The following FBXO34 variants were observed in gnomAD, a reference collection of about 807,000 sequenced individuals.
FBXO34 encodes the protein F-box protein 34.
A neutral mutation model predicts 24.5 loss-of-function variants in FBXO34; 12 were observed. The observed-to-expected ratio is 0.49, with a 90% CI of 0.31 to 0.79. The LOEUF (loss-of-function observed/expected upper bound fraction) is 0.79. Ranked by LOEUF, FBXO34 falls within the 30% of genes least tolerant of loss-of-function variation. The probability of loss-of-function intolerance (pLI) is 0.04; values close to 1 mark genes in which losing one functional copy is unlikely to be tolerated. For missense variants in FBXO34, 823 were observed against 857.7 expected (o/e 0.96, Z 0.51); for synonymous variants, 320 against 311.9 (o/e 1.03, Z -0.27).
At chr14:55,358,714 G>A (rs1884554413) in intron 3 of FBXO34, among the ~76,000 whole-genome samples, 1 of 152,320 alleles carries the variant, frequency 6.6e-6, no homozygotes, top group Admixed American at 6.5e-5. Context: ...CTGCCTGGTT[G>A]GGGGTAGTAG....
At chr14:55,293,596 TCTG>T (rs1215706321) in intron 1 of FBXO34, among the ~76,000 whole-genome samples, 2 of 150,268 alleles carry the variant, frequency 1.3e-5, no homozygotes, top group African/African-American at 5.0e-5. Flanking sequence ...TCTGTAAATC[TCTG>T]CTTTTTTTTT....
intron 1 of FBXO34, among the ~76,000 whole-genome samples, chr14:55,284,431 T>G (rs1276132346): frequency 1.3e-5 from 2 of 149,378 alleles, no homozygotes; most frequent in Admixed American, 1.4e-4. Context: ...GAGAATCTCT[T>G]GAACTCGGAG....
chr14:55,407,732 T>C, the FBXO34 span, among the ~76,000 whole-genome samples: 2 of 152,142 alleles, frequency 1.3e-5, no homozygotes, highest in African/African-American at 4.8e-5. Context: ...ATAAATAATA[T>C]TACACATTGT....
At chr14:55,398,383 T>C in the FBXO34 span, among the ~76,000 whole-genome samples, 2 of 152,244 alleles carry the variant, frequency 1.3e-5, no homozygotes, top group African/African-American at 4.8e-5. Context: ...AAACTTCTAT[T>C]CCTTTTAAAT....
chr14:55,304,146 TC>T (rs1882458097), intron 1 of FBXO34, among the ~76,000 whole-genome samples: 1 of 152,176 alleles, frequency 6.6e-6, no homozygotes, highest in South Asian at 2.1e-4. Flanking sequence ...TAGCTCTAAG[TC>T]TATGTTTATG....
downstream of FBXO34, among the ~76,000 whole-genome samples, chr14:55,365,151 C>A (rs1884651810): frequency 6.8e-6 from 1 of 146,026 alleles, no homozygotes; most frequent in African/African-American, 2.5e-5. Flanking sequence ...GCAGAGCTTG[C>A]AGTGAGCCGA....
In FBXO34 at chr14:55,351,754, G is replaced by A. The variant is rs144291873; in HGVS notation, c.1364G>A (p.Cys455Tyr). 100 of 1,614,194 alleles carry A rather than the reference G, an allele frequency of 6.2e-5. No individual in the cohort carries two copies. In the African/African-American group the frequency reaches 1.1e-3, roughly 18 times the overall value. The change falls in exon 2 of 2, where the codon TGC becomes TAC. Residue 455 changes from cysteine (C) to tyrosine (Y), a missense_variant. Around this residue, in one of 2 missense-constraint regions of FBXO34, gnomAD observed 693 missense variants for 659.1 expected, o/e 1.05. Coordinates refer to ENST00000313833, the MANE Select transcript of FBXO34 (RefSeq NM_017943.4). ...RNPDQRKESL[C>Y]ISITVSKVDK... ...CCTGATCAAAGAAAAGAATCTTTGT[G>A]CATTAGTATCACTGTGTCCAAGGTA...
the FBXO34 span, chr14:55,414,602 A>G: frequency 1.6e-6 from 1 of 615,650 alleles, no homozygotes; most frequent in African/African-American, 1.9e-5. Flanking sequence ...TTCCGGGTAA[A>G]TAATTTGGCA....
chr14:55,412,023 A>G, the FBXO34 span, among the ~76,000 whole-genome samples: 1 of 152,208 alleles, frequency 6.6e-6, no homozygotes, highest in Non-Finnish European at 1.5e-5. Flanking sequence ...GGGGAGAGTT[A>G]TATTAGAGGG....
At chr14:55,388,490 A>G in the FBXO34 span, among the ~76,000 whole-genome samples, 25 of 152,218 alleles carry the variant, frequency 1.6e-4, no homozygotes, top group Non-Finnish European at 2.4e-4. Flanking sequence ...GCTTCTTTAG[A>G]TAAGTAACTC....
downstream of FBXO34, among the ~76,000 whole-genome samples, chr14:55,363,543 G>A (rs147514530): frequency 3.0e-4 from 45 of 152,056 alleles, no homozygotes; most frequent in Middle Eastern, 3.4e-3. Flanking sequence ...TGGTCAGGCT[G>A]GTCTTGAACT....
intron 1 of FBXO34, among the ~76,000 whole-genome samples, chr14:55,333,216 G>A (rs1190069261): frequency 6.6e-6 from 1 of 152,182 alleles, no homozygotes; most frequent in Non-Finnish European, 1.5e-5. Flanking sequence ...TTGTCTCTAA[G>A]ATTGGTAACA....
chr14:55,401,828 C>A, the FBXO34 span, among the ~76,000 whole-genome samples: 2 of 152,168 alleles, frequency 1.3e-5, no homozygotes, highest in Non-Finnish European at 2.9e-5. Flanking sequence ...CCTGTCCAAG[C>A]TGAGACCTGA....
At position 55,351,942 on chromosome 14, in the gene FBXO34, G is replaced by A. The variant is rs770140347; in HGVS notation, c.1552G>A (p.Asp518Asn). The change falls in exon 2 of 2, where the codon GAC becomes AAC. Residue 518 changes from aspartate to asparagine, a missense_variant. Around this residue, in one of 2 missense-constraint regions of FBXO34, gnomAD observed 693 missense variants for 659.1 expected, o/e 1.05. Coordinates refer to ENST00000313833, the MANE Select transcript of FBXO34 (RefSeq NM_017943.4). The stretch of plus-strand genomic sequence containing the variant: ...CCAGCTTGAAGATGCTGCTGGGGGT[G>A]ACAGTGCATCTGAGGAAAAAAGTGG... Reference protein sequence around the residue: ...ASQLEDAAGGDSASEEKSGSA... With the variant: ...ASQLEDAAGGNSASEEKSGSA... 1.9e-6 allele frequency: 3 copies of A among 1,614,188 alleles called. No individual in the cohort carries two copies. The highest frequency in any genetic ancestry group is 1.7e-5 in the Admixed American group (1 of 60,020).
intron 1 of FBXO34, among the ~76,000 whole-genome samples, chr14:55,283,229 CT>C (rs1448158210): frequency 2.0e-5 from 3 of 151,942 alleles, no homozygotes; most frequent in Non-Finnish European, 4.4e-5. Flanking sequence ...TTGACATTTT[CT>C]TTGCTGTATT....
intron 1 of FBXO34, among the ~76,000 whole-genome samples, chr14:55,340,454 T>C (rs1303659837): frequency 6.6e-6 from 1 of 151,610 alleles, no homozygotes; most frequent in Admixed American, 6.6e-5. Flanking sequence ...CCTGTATTGC[T>C]CAGTCTGATC....
intron 1 of FBXO34, among the ~76,000 whole-genome samples, chr14:55,281,293 A>G (rs1213014931): frequency 2.0e-5 from 3 of 150,258 alleles, no homozygotes; most frequent in African/African-American, 7.3e-5. Context: ...CTCAGTTCAG[A>G]CTACTAATAT....
At chr14:55,276,376 CCTAT>C (rs1881342639) in intron 1 of FBXO34, among the ~76,000 whole-genome samples, 1 of 152,118 alleles carries the variant, frequency 6.6e-6, no homozygotes, top group East Asian at 1.9e-4. Context: ...TGCTTTATTG[CCTAT>C]CTATCGGTCT....
At chr14:55,369,744 C>T (rs1594774390), downstream of FBXO34, 2 of 1,614,012 alleles carry the variant, frequency 1.2e-6, no homozygotes, top group African/African-American at 1.3e-5. Flanking sequence ...TGGGAGACTT[C>T]CACAGACTGG....
Sources: gnomAD v4.1 joint callset for allele counts (sites outside exome capture counted in the v4.1 genomes callset) on GRCh38, gnomAD v4.1.1 for gene constraint, gnomAD v4.1.1 regional missense constraint, MANE v1.5 for transcripts, NCBI Gene and HGNC (gene_info 2026-07-23, HGNC 2026-07-21) for gene names.